EXOC6B: variants seen among roughly 807,000 people sequenced by gnomAD.
EXOC6B encodes SEC15 homolog B.
In EXOC6B, 54 loss-of-function variants were observed where a neutral mutation model predicts 113.5. The ratio of observed to expected loss-of-function variants is 0.48; its 90% CI spans 0.38 to 0.60. EXOC6B has a LOEUF of 0.60. EXOC6B is among the 20% of genes least tolerant of loss of function. The pLI is 0.00. For synonymous variants in EXOC6B, 357 were observed against 339.0 expected, an observed-to-expected ratio of 1.05 and a Z score of -0.58; for missense variants, 797 against 977.5, an observed-to-expected ratio of 0.82 and a Z score of 2.46.
At chr2:72,646,342 A>C (rs929097049) in intron 6 of EXOC6B, among the ~76,000 whole-genome samples, 2 of 152,098 alleles carry the variant, frequency 1.3e-5, no homozygotes, top group African/African-American at 4.8e-5. Flanking sequence ...AGACAGATTC[A>C]CAGCTGGGTT....
intron 1 of EXOC6B, among the ~76,000 whole-genome samples, chr2:72,775,701 TG>T (rs1683654750): frequency 6.6e-6 from 1 of 152,212 alleles, no homozygotes. Flanking sequence ...ACAGCAATTT[TG>T]TAATGACGGA....
At chr2:72,215,582 G>A (rs1189512486) in intron 20 of EXOC6B, among the ~76,000 whole-genome samples, 2 of 152,230 alleles carry the variant, frequency 1.3e-5, no homozygotes, top group East Asian at 3.9e-4. Context: ...AACAGACAGG[G>A]GACATGAGCT....
intron 1 of EXOC6B, among the ~76,000 whole-genome samples, chr2:72,810,913 G>A (rs1349394719): frequency 6.6e-6 from 1 of 151,970 alleles, no homozygotes; most frequent in African/African-American, 2.4e-5. Flanking sequence ...GTGGCATGGT[G>A]GCACTCACCT....
At chr2:72,562,139 C>T (rs1448291936) in intron 7 of EXOC6B, among the ~76,000 whole-genome samples, 1 of 152,092 alleles carries the variant, frequency 6.6e-6, no homozygotes, top group Non-Finnish European at 1.5e-5. Flanking sequence ...TGCACTGACT[C>T]ATGTTGCTTA....
chr2:72,572,672 T>A (rs936275450), intron 7 of EXOC6B, among the ~76,000 whole-genome samples: 4 of 152,164 alleles, frequency 2.6e-5, no homozygotes, highest in African/African-American at 9.7e-5. Context: ...ATGACAAGAA[T>A]GAAGGTCAGA....
intron 6 of EXOC6B, among the ~76,000 whole-genome samples, chr2:72,593,760 AAAAATAGAATATTAC>A (rs1379500215): frequency 2.0e-5 from 3 of 152,212 alleles, no homozygotes; most frequent in Non-Finnish European, 4.4e-5. Flanking sequence ...TTCAATGGAT[AAAAATAGAATATTAC>A]AAACAACTTT....
intron 6 of EXOC6B, among the ~76,000 whole-genome samples, chr2:72,670,433 T>C (rs1292005228): frequency 1.3e-5 from 2 of 152,196 alleles, no homozygotes; most frequent in Non-Finnish European, 2.9e-5. Context: ...TAAGTTAGAC[T>C]ATATCATTTC....
At chr2:72,686,821 T>C (rs1677119430) in intron 6 of EXOC6B, among the ~76,000 whole-genome samples, 1 of 152,116 alleles carries the variant, frequency 6.6e-6, no homozygotes, top group Non-Finnish European at 1.5e-5. Flanking sequence ...AGGGAGTACA[T>C]ATCTCATACA....
intron 19 of EXOC6B, among the ~76,000 whole-genome samples, chr2:72,342,026 A>G (rs1689060362): frequency 6.6e-6 from 1 of 152,166 alleles, no homozygotes; most frequent in African/African-American, 2.4e-5. Flanking sequence ...GGGAATAAAA[A>G]TATATTAAGA....
At chr2:72,413,686 AAG>A (rs1491074284) in intron 18 of EXOC6B, among the ~76,000 whole-genome samples, 3 of 96,252 alleles carry the variant, frequency 3.1e-5, no homozygotes, top group Non-Finnish European at 5.8e-5. Flanking sequence ...CGCCTCAAAA[AAG>A]AAAAAAAAAA....
At chr2:72,347,310 G>A (rs905225185) in intron 19 of EXOC6B, among the ~76,000 whole-genome samples, 1 of 152,076 alleles carries the variant, frequency 6.6e-6, no homozygotes, top group African/African-American at 2.4e-5. Flanking sequence ...AGAAAGACTG[G>A]TGTTCCAAAG....
intron 5 of EXOC6B, among the ~76,000 whole-genome samples, chr2:72,728,830 T>C (rs1037288381): frequency 1.2e-4 from 19 of 152,286 alleles, no homozygotes; most frequent in South Asian, 4.1e-4. Context: ...GCTAGAAATA[T>C]TGGTGAACAG....
intron 6 of EXOC6B, among the ~76,000 whole-genome samples, chr2:72,696,869 T>C (rs1219079266): frequency 6.6e-6 from 1 of 152,106 alleles, no homozygotes; most frequent in Non-Finnish European, 1.5e-5. Context: ...GGGTGGTTTG[T>C]TACACAGCAA....
chr2:72,764,777 T>C (rs1008373006), intron 1 of EXOC6B, among the ~76,000 whole-genome samples: 3 of 152,242 alleles, frequency 2.0e-5, no homozygotes, highest in Non-Finnish European at 2.9e-5. Flanking sequence ...TAATTGTTTT[T>C]CATAGATGGC....
intron 7 of EXOC6B, among the ~76,000 whole-genome samples, chr2:72,569,766 T>C (rs1408384999): frequency 6.6e-6 from 1 of 152,180 alleles, no homozygotes; most frequent in Non-Finnish European, 1.5e-5. Context: ...TACCTTACTG[T>C]CAATAGAAAG....
intron 6 of EXOC6B, among the ~76,000 whole-genome samples, chr2:72,585,546 G>A (rs564993049): frequency 9.3e-5 from 14 of 151,162 alleles, no homozygotes; most frequent in South Asian, 8.4e-4. Flanking sequence ...GCAGTGATCC[G>A]AGATCACGCC....
chr2:72,226,454 G>A (rs1439515983), intron 20 of EXOC6B, among the ~76,000 whole-genome samples: 3 of 152,056 alleles, frequency 2.0e-5, no homozygotes, highest in South Asian at 2.1e-4. Context: ...AAAACAGAGC[G>A]AAAAAGACAA....
intron 7 of EXOC6B, among the ~76,000 whole-genome samples, chr2:72,562,105 G>GT (rs1703922001): frequency 6.6e-6 from 1 of 152,150 alleles, no homozygotes; most frequent in South Asian, 2.1e-4. Flanking sequence ...GAAGAGTGCT[G>GT]TGAGGATAAA....
intron 6 of EXOC6B, among the ~76,000 whole-genome samples, chr2:72,631,457 TATATAGAG>T (rs1558862478): frequency 5.6e-4 from 6 of 10,652 alleles, no homozygotes; most frequent in African/African-American, 7.1e-4. Context: ...TATATATATA[TATATAGAG>T]AGAGAGAGAG....
Sources: allele counts gnomAD v4.1 joint callset (sites outside exome capture counted in the v4.1 genomes callset), GRCh38; gene constraint gnomAD v4.1.1; transcripts MANE v1.5; gene names NCBI Gene and HGNC (gene_info 2026-07-23, HGNC 2026-07-21).